Variants in AVL9 observed in about 807,000 individuals in gnomAD.
AVL9 encodes late secretory pathway protein AVL9 homolog.
Under a neutral mutation model 79.2 loss-of-function variants are expected in AVL9, and 49 were observed. The ratio of observed to expected loss-of-function variants is 0.62; its 90% CI spans 0.49 to 0.79. The LOEUF is 0.79. Among genes scored for constraint, AVL9 ranks in the 30% least tolerant of loss-of-function variants. The pLI is 0.00. For missense variants in AVL9, 682 were observed against 776.8 expected (o/e 0.88, Z 1.45); for synonymous variants, 299 against 280.6 (o/e 1.07, Z -0.65).
intron 4 of AVL9, among the ~76,000 whole-genome samples, chr7:32,550,109 T>C (rs1351528185): frequency 6.6e-6 from 1 of 152,146 alleles, no homozygotes; most frequent in Non-Finnish European, 1.5e-5. Flanking sequence ...GTACCAGATA[T>C]TAAAGGAAGT....
At chr7:32,566,317 C>A (rs1459000459) in intron 10 of AVL9, among the ~76,000 whole-genome samples, 1 of 149,036 alleles carries the variant, frequency 6.7e-6, no homozygotes, top group Non-Finnish European at 1.5e-5. Context: ...GCTGGGACTA[C>A]AGGCACCTGC....
At chr7:32,542,454 G>T (rs1319200790) in intron 1 of AVL9, among the ~76,000 whole-genome samples, 3 of 151,540 alleles carry the variant, frequency 2.0e-5, no homozygotes, top group Admixed American at 2.0e-4. Context: ...TACTCAGGAC[G>T]CTGAGGCAGG....
intron 11 of AVL9, 63 bp from the exon 12 acceptor site, chr7:32,573,136 A>G: frequency 7.6e-7 from 1 of 1,307,282 alleles, no homozygotes; most frequent in South Asian, 1.2e-5. Flanking sequence ...GTTACTCTGT[A>G]AAGTGTGGCA....
At chr7:32,504,698 A>T (rs986370310) in intron 1 of AVL9, among the ~76,000 whole-genome samples, 1 of 152,170 alleles carries the variant, frequency 6.6e-6, no homozygotes, top group Non-Finnish European at 1.5e-5. Flanking sequence ...ATCAGAGGCT[A>T]CATTCAGAAA....
intron 12 of AVL9, among the ~76,000 whole-genome samples, chr7:32,573,674 C>A (rs1790959777): frequency 6.6e-6 from 1 of 152,172 alleles, no homozygotes; most frequent in Admixed American, 6.5e-5. Flanking sequence ...TCCCTTTATA[C>A]ATGTTTTCTG....
At chr7:32,581,082 T>G in intron 15 of AVL9, 192 bp downstream of exon 15, 1 of 556,636 alleles carries the variant, frequency 1.8e-6, no homozygotes, top group Non-Finnish European at 3.1e-6. Flanking sequence ...CTCCATTATC[T>G]AATAGAGAGT....
chr7:32,584,233 TTTG>T lies in AVL9; in HGVS notation c.*329_*331del, dbSNP rs1418200137. ...TAGAAGAGTTTTTACTTATGTAAAT[TTTG>T]TTCTGTTTTGGTGTTTGAATATCTA... On this transcript the variant is annotated 3_prime_UTR_variant, in exon 16 of 16. Transcript: ENST00000318709. 3.5e-6 allele frequency: 1 copy of T among 283,648 alleles called. No homozygotes were observed. Among genetic ancestry groups the T allele is most frequent in the African/African-American group, 2.2e-5 (1 of 45,946 alleles). The allele number at this position is 283,648 out of a possible 1,614,324, so 17.6% of individuals were successfully genotyped here. A position where few individuals can be genotyped will look rare whatever the true frequency, so the allele number is the denominator to read the frequency against.
At chr7:32,530,154 A>G (rs1788587998) in intron 1 of AVL9, among the ~76,000 whole-genome samples, 1 of 152,200 alleles carries the variant, frequency 6.6e-6, no homozygotes, top group South Asian at 2.1e-4. Flanking sequence ...AGTTATACAC[A>G]TTTGTGCTAC....
chr7:32,587,271 T>C lies in AVL9; in HGVS notation c.*3364T>C, dbSNP rs532980366. ...GAAGTATTTTGAGAGCAGTATTTCA[T>C]GTGCTAAGGGTTATAAGAATTCTTT... is the stretch of plus-strand genomic sequence containing the variant. On this transcript the variant is annotated 3_prime_UTR_variant, in exon 16 of 16. Coordinates refer to ENST00000318709, the MANE Select transcript of AVL9 (RefSeq NM_015060.3). The C allele has an allele frequency of 6.6e-6, 1 of 152,344 alleles. No individual in the cohort carries two copies. Among genetic ancestry groups the C allele is most frequent in the South Asian group, 2.1e-4 (1 of 4,830 alleles). 9.4% of individuals were successfully genotyped at this position (152,344 alleles called of 1,614,324 possible).
chr7:32,548,984 G>T, intron 4 of AVL9, 66 bp downstream of exon 4: 2 of 1,032,324 alleles, frequency 1.9e-6, no homozygotes, highest in Non-Finnish European at 1.4e-6. Flanking sequence ...TAAGGATAAG[G>T]CACTATTAGA....
chr7:32,552,317 TA>T, intron 6 of AVL9, 22 bp downstream of exon 6: 1 of 1,459,320 alleles, frequency 6.9e-7, no homozygotes, highest in Non-Finnish European at 9.6e-7. Context: ...ACTTACAAGT[TA>T]AAAGAGATCC....
At chr7:32,535,249 C>A (rs541522806) in intron 1 of AVL9, 40 of 152,324 alleles carry the variant, frequency 2.6e-4, no homozygotes, top group African/African-American at 8.9e-4. Flanking sequence ...TAAATAAAAT[C>A]TTTGGAGACC....
chr7:32,545,418 C>G (rs193135686), intron 3 of AVL9, among the ~76,000 whole-genome samples: 1 of 122,326 alleles, frequency 8.2e-6, no homozygotes, highest in East Asian at 2.4e-4. Flanking sequence ...GTTGCCTAGG[C>G]TGGAGTGCAG....
chr7:32,503,365 TATATATATACAC>T lies in AVL9; in HGVS notation c.93+7565_93+7576del, dbSNP rs1469528799. ...ATATAGATATAGATATAGAGAGATA[TATATATATACAC>T]ACACACACACACACACACACACACA... On this transcript the variant is annotated intron_variant, in intron 1 of 15. Transcript: ENST00000318709. Among the ~76,000 whole-genome samples, 566 of 103,114 alleles carry T rather than the reference TATATATATACAC, an allele frequency of 5.5e-3. 7 individuals carry two copies. Among genetic ancestry groups the T allele is most frequent in the African/African-American group, 0.02 (496 of 25,008 alleles). 67.6% of individuals were successfully genotyped at this position (103,114 alleles called of 152,430 possible).
At chr7:32,571,405 G>A (rs1053740925) in intron 11 of AVL9, among the ~76,000 whole-genome samples, 2 of 151,966 alleles carry the variant, frequency 1.3e-5, no homozygotes, top group African/African-American at 2.4e-5. Context: ...GCAGGTGCCT[G>A]TAATCCCAGC....
chr7:32,544,233 C>A (rs1035112716), intron 2 of AVL9, among the ~76,000 whole-genome samples: 1 of 152,176 alleles, frequency 6.6e-6, no homozygotes, highest in East Asian at 1.9e-4. Flanking sequence ...AGAATGAGAT[C>A]ATTCCCCAGT....
At chr7:32,557,917 G>A (rs960174535) in intron 8 of AVL9, among the ~76,000 whole-genome samples, 3 of 147,992 alleles carry the variant, frequency 2.0e-5, no homozygotes, top group South Asian at 2.1e-4. Context: ...GTGCAGTGGC[G>A]TAATCTCAGC....
chr7:32,583,756 G>C (rs757439361), intron 15 of AVL9, 36 bp from the exon 16 acceptor site: 1 of 1,344,304 alleles, frequency 7.4e-7, no homozygotes, highest in Non-Finnish European at 1.1e-6. Flanking sequence ...CAAAAGTTAA[G>C]ACATTTTTCC....
chr7:32,559,562 G>A (rs903870693), intron 10 of AVL9, 98 bp downstream of exon 10: 11 of 1,299,268 alleles, frequency 8.5e-6, no homozygotes, highest in Non-Finnish European at 1.0e-5. Context: ...ATTTTCAGGT[G>A]GAAAAATTTC....
Sources: allele counts gnomAD v4.1 joint callset (sites outside exome capture counted in the v4.1 genomes callset), GRCh38; gene constraint gnomAD v4.1.1; transcripts MANE v1.5; gene names NCBI Gene and HGNC (gene_info 2026-07-23, HGNC 2026-07-21).